UNC80: variants seen among roughly 807,000 people sequenced by gnomAD.
UNC80 encodes the protein protein unc-80 homolog.
Under a neutral mutation model 384.6 loss-of-function variants are expected in UNC80, and 164 were observed. The observed-to-expected ratio is 0.43, with a 90% CI of 0.38 to 0.49. UNC80 has a LOEUF of 0.49. Among genes scored for constraint, UNC80 ranks in the 20% least tolerant of loss-of-function variants. The pLI, the probability that UNC80 is intolerant of heterozygous loss-of-function variation, is 0.00. For missense variants in UNC80, 3,330 were observed against 4,143.0 expected, an observed-to-expected ratio of 0.80 and a Z score of 5.39; for synonymous variants, 1,486 against 1,527.8, an observed-to-expected ratio of 0.97 and a Z score of 0.64.
intron 13 of UNC80, among the ~76,000 whole-genome samples, chr2:209,824,303 G>T (rs1000759381): frequency 1.3e-5 from 2 of 152,120 alleles, no homozygotes; most frequent in African/African-American, 2.4e-5. Context: ...GAAGATATGC[G>T]TGCAGGCAAT....
chr2:209,964,305 C>T (rs2092682145), intron 51 of UNC80, among the ~76,000 whole-genome samples: 1 of 152,106 alleles, frequency 6.6e-6, no homozygotes, highest in Admixed American at 6.5e-5. Context: ...TACCTCCTGG[C>T]GGAAGTACAC....
Position 209,880,941 on chromosome 2 carries a change from A to G in UNC80, c.3977-20A>G, listed in dbSNP as rs540400532. On this transcript the variant is annotated intron_variant, in intron 24 of 64. Coordinates refer to ENST00000673920, the MANE Select transcript of UNC80 (RefSeq NM_001371986.1). ...TTTTGTTGATTTGTCTCCTTATGAA[A>G]GAACACTTTCATTTCCTAGGTACTG... The G allele has an allele frequency of 1.3e-6, 2 of 1,551,130 alleles. No homozygotes were observed. Among genetic ancestry groups the G allele is most frequent in the South Asian group, 2.4e-5 (2 of 83,942 alleles).
intron 39 of UNC80, 110 bp downstream of exon 39, chr2:209,934,115 C>A: frequency 9.2e-7 from 1 of 1,083,596 alleles, no homozygotes; most frequent in Non-Finnish European, 1.3e-6. Flanking sequence ...GAGTTCTAAC[C>A]CCCAGTATTG....
intron 22 of UNC80, among the ~76,000 whole-genome samples, chr2:209,853,177 T>A (rs916163234): frequency 6.6e-6 from 1 of 152,130 alleles, no homozygotes; most frequent in African/African-American, 2.4e-5. Flanking sequence ...CATATTTCAA[T>A]CTTGCATTTT....
At chr2:209,963,643 A>G (rs2092662751) in intron 51 of UNC80, among the ~76,000 whole-genome samples, 1 of 152,212 alleles carries the variant, frequency 6.6e-6, no homozygotes. Flanking sequence ...GAAGTAAAGA[A>G]TTATTTTCTG....
chr2:209,839,420 A>G lies in UNC80; in HGVS notation c.3240A>G (p.Lys1080=). 2.6e-6 allele frequency: 4 copies of G among 1,551,738 alleles called. No homozygotes were observed. The highest frequency in any genetic ancestry group is 3.5e-6 in the Non-Finnish European group (4 of 1,147,020). The change falls in exon 19 of 65, where the codon AAA becomes AAG. Residue 1080 remains lysine, a synonymous_variant. Coordinates refer to ENST00000673920, the MANE Select transcript of UNC80 (RefSeq NM_001371986.1). This position sits in a 1 kb window ranked among gnomAD's most constrained non-coding sequence, Gnocchi z 4.1. Reference sequence around the variant, plus strand: ...GAATTTCCCTCCGAAAGAAGCTTAAACTCCCCATAGGTAAAAGTATGTCTG... The same window carrying G: ...GAATTTCCCTCCGAAAGAAGCTTAAGCTCCCCATAGGTAAAAGTATGTCTG... ...SRRISLRKKL[K]LPIGNWLKRS...
At chr2:209,879,547 A>G (rs1444616722) in intron 24 of UNC80, among the ~76,000 whole-genome samples, 1 of 152,220 alleles carries the variant, frequency 6.6e-6, no homozygotes, top group East Asian at 1.9e-4. Context: ...CTGGTAAGAA[A>G]AGCCTGGATG....
intron 7 of UNC80, chr2:209,809,233 T>C: frequency 1.4e-6 from 1 of 695,332 alleles, no homozygotes; most frequent in Non-Finnish European, 2.7e-6. Context: ...GGATTCCCAG[T>C]TTCAAAAAGC....
chr2:209,977,038 T>A lies in UNC80; in HGVS notation c.8898T>A (p.Ser2966Arg). 6.6e-7 allele frequency: 1 copy of A among 1,522,812 alleles called. No homozygotes were observed. The highest frequency in any genetic ancestry group is 8.9e-7 in the Non-Finnish European group (1 of 1,123,248). 94.3% of individuals were successfully genotyped at this position (1,522,812 alleles called of 1,614,324 possible). ...GCTCGCTCATTGCTGAGTTCAACAG[T>A]GAACTAAAAATTCTAAAAGAGGCAG... ...CKSSLIAEFN[S>R]ELKILKEAVH... Residue 2966 changes from serine (S) to arginine (R), a missense_variant, in exon 58 of 65, where the codon AGT (serine) becomes AGA (arginine). Around this residue, in one of 8 missense-constraint regions of UNC80, gnomAD observed 216 missense variants for 245.3 expected, o/e 0.88. Coordinates refer to ENST00000673920, the MANE Select transcript of UNC80 (RefSeq NM_001371986.1).
At chr2:209,775,380 C>T (rs191664595) in intron 2 of UNC80, among the ~76,000 whole-genome samples, 121 of 151,992 alleles carry the variant, frequency 8.0e-4, no homozygotes, top group Non-Finnish European at 1.3e-3. Flanking sequence ...TGTTCTGTGC[C>T]GGGTCATTGC....
At chr2:209,913,395 T>C (rs1305115736) in intron 30 of UNC80, among the ~76,000 whole-genome samples, 2 of 152,176 alleles carry the variant, frequency 1.3e-5, no homozygotes, top group Non-Finnish European at 2.9e-5. Context: ...CAATGGGCTT[T>C]TTCATCAGTT....
intron 28 of UNC80, among the ~76,000 whole-genome samples, chr2:209,901,644 T>TGGCC (rs2124925710): frequency 6.6e-6 from 1 of 152,206 alleles, no homozygotes; most frequent in Admixed American, 6.5e-5. Context: ...GTTCATTTTG[T>TGGCC]GGCCAGGTGT....
intron 37 of UNC80, among the ~76,000 whole-genome samples, chr2:209,930,235 G>A (rs558639460): frequency 6.6e-6 from 1 of 152,068 alleles, no homozygotes; most frequent in African/African-American, 2.4e-5. Context: ...TAAGTATAAT[G>A]TTCTTACTAT....
intron 40 of UNC80, among the ~76,000 whole-genome samples, 192 bp from the exon 41 acceptor site, chr2:209,936,652 G>GTGTGTGTA (rs2091265956): frequency 6.6e-6 from 1 of 151,716 alleles, no homozygotes; most frequent in African/African-American, 2.4e-5. Flanking sequence ...ATATATATGT[G>GTGTGTGTA]TGTGTGTATG....
chr2:209,806,387 A>G (rs940079713), intron 7 of UNC80, among the ~76,000 whole-genome samples: 7 of 152,214 alleles, frequency 4.6e-5, no homozygotes, highest in African/African-American at 1.7e-4. Flanking sequence ...TGATATGTCA[A>G]TACTCAAGCT....
chr2:209,922,522 G>T, intron 35 of UNC80, 139 bp downstream of exon 35: 1 of 1,090,654 alleles, frequency 9.2e-7, no homozygotes, highest in South Asian at 2.2e-5. Context: ...AAAAAAATTA[G>T]CATGGCATCC....
At chr2:209,924,615 A>G (rs2090285825) in intron 35 of UNC80, among the ~76,000 whole-genome samples, 1 of 152,082 alleles carries the variant, frequency 6.6e-6, no homozygotes, top group Non-Finnish European at 1.5e-5. Context: ...CCTTGTACAT[A>G]TGTACAGCCA....
At chr2:209,902,904 CGTGT>C (rs56102642) in intron 28 of UNC80, among the ~76,000 whole-genome samples, 9,819 of 140,876 alleles carry the variant, frequency 0.07, 465 homozygotes, top group African/African-American at 0.13. Flanking sequence ...CCTGTATACA[CGTGT>C]GTGTGTGTGT....
At chr2:209,812,624 A>T (rs1263878063) in intron 7 of UNC80, among the ~76,000 whole-genome samples, 1 of 152,154 alleles carries the variant, frequency 6.6e-6, no homozygotes, top group Non-Finnish European at 1.5e-5. Flanking sequence ...TTGGGAGTTA[A>T]GTTTAGATTT....
Sources: allele counts gnomAD v4.1 joint callset (sites outside exome capture counted in the v4.1 genomes callset), GRCh38; gene constraint gnomAD v4.1.1; regional missense constraint gnomAD v4.1.1; non-coding constraint Gnocchi (gnomAD v3.1); transcripts MANE v1.5; gene names NCBI Gene and HGNC (gene_info 2026-07-23, HGNC 2026-07-21).